The following AUTS2 variants were observed in gnomAD, a reference collection of about 807,000 sequenced individuals.
The protein encoded by AUTS2 is autism susceptibility gene 2 protein.
In AUTS2, 17 loss-of-function variants were observed where a neutral mutation model predicts 112.4. The observed-to-expected ratio is 0.15, with a 90% CI of 0.10 to 0.23. The LOEUF (loss-of-function observed/expected upper bound fraction) is 0.23. Among genes scored for constraint, AUTS2 ranks in the 10% least tolerant of loss-of-function variants. The pLI is 1.00. For synonymous variants in AUTS2, 751 were observed against 702.7 expected (o/e 1.07, Z -1.09); for missense variants, 1,510 against 1,701.6 (o/e 0.89, Z 1.98).
intron 2 of AUTS2, among the ~76,000 whole-genome samples, chr7:69,997,773 C>A (rs1309467283): frequency 1.3e-5 from 2 of 152,140 alleles, no homozygotes; most frequent in South Asian, 4.2e-4. Context: ...GGCCCAAACA[C>A]CTCCCTATGC....
At chr7:70,614,070 T>C (rs1374976167) in intron 5 of AUTS2, among the ~76,000 whole-genome samples, 1 of 152,190 alleles carries the variant, frequency 6.6e-6, no homozygotes, top group South Asian at 2.1e-4. Context: ...CTTTGTTTCT[T>C]GGAAGAAACC....
chr7:70,161,395 A>G (rs1368586717), intron 4 of AUTS2, among the ~76,000 whole-genome samples: 2 of 151,298 alleles, frequency 1.3e-5, no homozygotes, highest in African/African-American at 4.9e-5. Flanking sequence ...TTTCTTTTAC[A>G]CCAGTTTCTT....
intron 4 of AUTS2, among the ~76,000 whole-genome samples, chr7:70,288,225 C>A (rs1317168806): frequency 6.6e-6 from 1 of 151,982 alleles, no homozygotes; most frequent in African/African-American, 2.4e-5. Context: ...ACGGTGAAAC[C>A]CCATCTCTAC....
intron 1 of AUTS2, among the ~76,000 whole-genome samples, chr7:69,704,309 A>C (rs1479428970): frequency 1.9e-4 from 29 of 150,054 alleles, no homozygotes; most frequent in African/African-American, 6.4e-4. Flanking sequence ...ACGGAGTCTC[A>C]CTCTGTCGCC....
chr7:70,285,630 T>C (rs1788423389), intron 4 of AUTS2, among the ~76,000 whole-genome samples: 1 of 152,242 alleles, frequency 6.6e-6, no homozygotes, highest in African/African-American at 2.4e-5. Context: ...TTCCATGTAC[T>C]GATATCTTCT....
chr7:70,695,482 C>A (rs1280149703), intron 5 of AUTS2, among the ~76,000 whole-genome samples: 1 of 152,232 alleles, frequency 6.6e-6, no homozygotes, highest in Admixed American at 6.5e-5. Flanking sequence ...GAGATCTGGG[C>A]TCGGGTTCGG....
In AUTS2 at chr7:70,315,619, T is replaced by C. The variant is rs190020508; in HGVS notation, c.661-120133T>C. Reference sequence around the variant, plus strand: ...CCACCTGCCAGACACCTTTCTCAAATAGAAATAACTATCCCTTTTTCCCAA... The same window carrying C: ...CCACCTGCCAGACACCTTTCTCAAACAGAAATAACTATCCCTTTTTCCCAA... On this transcript the variant is annotated intron_variant, in intron 4 of 18. Transcript: ENST00000342771. Among the ~76,000 whole-genome samples the C allele has an allele frequency of 7.2e-5, 11 of 152,286 alleles. No homozygotes were observed. In the East Asian group the frequency reaches 1.9e-3, roughly 27 times the overall value.
At chr7:69,979,473 G>T (rs921650178) in intron 2 of AUTS2, among the ~76,000 whole-genome samples, 1 of 152,176 alleles carries the variant, frequency 6.6e-6, no homozygotes, top group Non-Finnish European at 1.5e-5. Flanking sequence ...CCAATGGAAG[G>T]ATTTCAATTA....
chr7:70,589,547 C>T (rs1226278494), intron 5 of AUTS2, among the ~76,000 whole-genome samples: 2 of 152,286 alleles, frequency 1.3e-5, no homozygotes, highest in Non-Finnish European at 2.9e-5. Flanking sequence ...AACCCCATCT[C>T]TACTAAATAT....
intron 4 of AUTS2, among the ~76,000 whole-genome samples, chr7:70,358,191 G>A (rs1402683110): frequency 6.6e-6 from 1 of 152,154 alleles, no homozygotes; most frequent in Admixed American, 6.5e-5. Flanking sequence ...TTTCTTATCA[G>A]CCCTCACCCT....
chr7:69,663,536 G>C (rs1288262116), intron 1 of AUTS2, among the ~76,000 whole-genome samples: 1 of 152,154 alleles, frequency 6.6e-6, no homozygotes, highest in African/African-American at 2.4e-5. Flanking sequence ...ATTTGGTATA[G>C]TTACTTAAAT....
intron 5 of AUTS2, among the ~76,000 whole-genome samples, chr7:70,639,486 C>T (rs898255523): frequency 4.0e-5 from 6 of 151,406 alleles, no homozygotes; most frequent in Middle Eastern, 3.4e-3. Context: ...GTGTGTGGTG[C>T]GTGCCTGTGG....
chr7:70,530,246 A>G (rs1316207508), intron 5 of AUTS2, among the ~76,000 whole-genome samples: 1 of 152,064 alleles, frequency 6.6e-6, no homozygotes, highest in Non-Finnish European at 1.5e-5. Flanking sequence ...TTATGAGGAG[A>G]GTGATTAAAA....
In AUTS2 at chr7:70,349,515, G is replaced by A. The variant is rs561351503; in HGVS notation, c.661-86237G>A. On this transcript the variant is annotated intron_variant, in intron 4 of 18. Coordinates refer to ENST00000342771, the MANE Select transcript of AUTS2 (RefSeq NM_015570.4). The stretch of plus-strand genomic sequence containing the variant: ...TGGCTTAAGTCATTGGCACTCCAAT[G>A]CTTAAAATCTCTGTGCTCAAAACCA... Among the ~76,000 whole-genome samples the A allele has an allele frequency of 2.6e-5, 4 of 152,328 alleles. No individual in the cohort carries two copies. The East Asian group carries it at 7.7e-4, about 29-fold the overall frequency.
chr7:70,782,101 C>A, intron 15 of AUTS2: 1 of 252,006 alleles, frequency 4.0e-6, no homozygotes, highest in South Asian at 6.4e-5. Flanking sequence ...GGAAACAATG[C>A]CAGGAATTAT....
intron 2 of AUTS2, among the ~76,000 whole-genome samples, chr7:70,072,431 A>G (rs1350290421): frequency 6.6e-6 from 1 of 152,180 alleles, no homozygotes; most frequent in Non-Finnish European, 1.5e-5. Flanking sequence ...AAGAACTGCC[A>G]CTTCATGACA....
intron 2 of AUTS2, among the ~76,000 whole-genome samples, chr7:69,952,534 TG>T (rs1797066670): frequency 1.3e-5 from 2 of 152,318 alleles, no homozygotes; most frequent in Admixed American, 6.5e-5. Context: ...GTTGTAATAC[TG>T]GGTTAAATAT....
At chr7:70,776,857 G>C in intron 13 of AUTS2, 1 of 538,980 alleles carries the variant, frequency 1.9e-6, no homozygotes, top group Non-Finnish European at 3.3e-6. Flanking sequence ...TGGTAACCGG[G>C]GAGGCCCTTG....
intron 5 of AUTS2, among the ~76,000 whole-genome samples, chr7:70,572,194 G>A (rs557003602): frequency 2.0e-5 from 3 of 152,110 alleles, no homozygotes; most frequent in South Asian, 2.1e-4. Flanking sequence ...GACACATGCC[G>A]CGGGCTTGGG....
Sources: gnomAD v4.1 joint callset for allele counts (sites outside exome capture counted in the v4.1 genomes callset) on GRCh38, gnomAD v4.1.1 for gene constraint, MANE v1.5 for transcripts, NCBI Gene and HGNC (gene_info 2026-07-23, HGNC 2026-07-21) for gene names.